SNX29: variants seen among roughly 807,000 people sequenced by gnomAD.
The protein encoded by SNX29 is sorting nexin-29.
SNX29 carries 78 observed loss-of-function variants against 102.1 expected under a neutral mutation model. The ratio of observed to expected loss-of-function variants is 0.76; its 90% CI spans 0.64 to 0.92. The LOEUF (loss-of-function observed/expected upper bound fraction) is 0.92, where lower values mean the gene tolerates loss of function less well. Among genes scored for constraint, SNX29 ranks in the 40% least tolerant of loss-of-function variants. The pLI, the probability that SNX29 is intolerant of heterozygous loss-of-function variation, is 0.00. For synonymous variants in SNX29, 580 were observed against 414.5 expected (o/e 1.40, Z -4.85); for missense variants, 1,280 against 1,061.7 (o/e 1.21, Z -2.86).
At chr16:11,995,558 C>A (rs149842913) in intron 1 of SNX29, among the ~76,000 whole-genome samples, 1,800 of 151,586 alleles carry the variant, frequency 0.012, 21 homozygotes, top group Middle Eastern at 0.041. Context: ...CTTCCCCCCC[C>A]ACCCCATCAT....
At chr16:12,559,596 T>C (rs576211879) in intron 20 of SNX29, among the ~76,000 whole-genome samples, 2 of 151,602 alleles carry the variant, frequency 1.3e-5, no homozygotes, top group African/African-American at 2.4e-5. Flanking sequence ...GCCAAAAAGG[T>C]TGGGGACTGC....
rs143204113 is a variant in SNX29, at chr16:12,495,882, A to G, written c.2178+18023A>G. On this transcript the variant is annotated intron_variant, in intron 19 of 20. Transcript: ENST00000566228. Reference sequence around the variant, plus strand: ...GGCCTGGCAAACATGGTAAAACCCCATGTCTACTAAAAATACAAAAATTAG... The same window carrying G: ...GGCCTGGCAAACATGGTAAAACCCCGTGTCTACTAAAAATACAAAAATTAG... Among the ~76,000 whole-genome samples, 115 of 152,314 alleles carry G rather than the reference A, an allele frequency of 7.6e-4. 1 individual carries two copies. Among genetic ancestry groups the G allele is most frequent in the African/African-American group, 2.7e-3 (111 of 41,574 alleles).
In SNX29 at chr16:12,182,934, A is replaced by AAAT. The variant is rs2076423019; in HGVS notation, c.1596-16665_1596-16664insTAA. On this transcript the variant is annotated intron_variant, in intron 13 of 20. Transcript: ENST00000566228. ...GGACGACAGAGCGAGACTCTGTCTC[A>AAAT]AAAAAAAAAAAAAAAAAAAAAAAGG... Among the ~76,000 whole-genome samples the AAAT allele has an allele frequency of 2.8e-5, 3 of 105,406 alleles. No homozygotes were observed. In the South Asian group the frequency reaches 1.1e-3, roughly 39 times the overall value. The allele number at this position is 105,406 out of a possible 152,430, so 69.2% of individuals were successfully genotyped here.
chr16:12,292,846 C>G (rs1218714197), intron 15 of SNX29, among the ~76,000 whole-genome samples: 1 of 152,160 alleles, frequency 6.6e-6, no homozygotes, highest in Non-Finnish European at 1.5e-5. Context: ...CACAGTGGCT[C>G]TAGTGTTAGT....
intron 3 of SNX29, among the ~76,000 whole-genome samples, chr16:12,024,323 T>C (rs1310299520): frequency 6.6e-6 from 1 of 151,958 alleles, no homozygotes; most frequent in Non-Finnish European, 1.5e-5. Flanking sequence ...TATATATTTT[T>C]TTAGTAGAAA....
intron 20 of SNX29, among the ~76,000 whole-genome samples, chr16:12,563,689 G>A (rs961889258): frequency 6.6e-6 from 1 of 152,174 alleles, no homozygotes; most frequent in Non-Finnish European, 1.5e-5. Context: ...ATGGGGTCTG[G>A]CCTCATGTAA....
At chr16:12,087,876 A>G (rs1000798337) in intron 11 of SNX29, 11 of 456,660 alleles carry the variant, frequency 2.4e-5, no homozygotes, top group Non-Finnish European at 4.4e-5. Context: ...TTTGTGTTCG[A>G]TAGGCTAAGC....
chr16:12,103,616 C>T (rs1284012920), intron 11 of SNX29, among the ~76,000 whole-genome samples: 1 of 152,198 alleles, frequency 6.6e-6, no homozygotes, highest in African/African-American at 2.4e-5. Flanking sequence ...TAATACCATT[C>T]AGGACATAGG....
intron 3 of SNX29, among the ~76,000 whole-genome samples, chr16:12,008,946 T>C (rs1046461843): frequency 2.0e-5 from 3 of 151,898 alleles, no homozygotes; most frequent in South Asian, 2.1e-4. Context: ...TTCACTATGT[T>C]GGTCAGGCTG....
chr16:12,179,151 C>T (rs796945640), intron 13 of SNX29, among the ~76,000 whole-genome samples: 5 of 150,644 alleles, frequency 3.3e-5, no homozygotes, highest in African/African-American at 1.2e-4. Flanking sequence ...TTTAGAATAA[C>T]ACTACTACAA....
intron 13 of SNX29, among the ~76,000 whole-genome samples, chr16:12,182,268 T>A (rs1473578481): frequency 1.3e-5 from 2 of 150,710 alleles, no homozygotes; most frequent in African/African-American, 4.9e-5. Context: ...CTTTCCAGAA[T>A]CTATTTCTAA....
intron 13 of SNX29, among the ~76,000 whole-genome samples, chr16:12,163,946 T>G (rs914698855): frequency 2.0e-5 from 3 of 152,042 alleles, no homozygotes; most frequent in African/African-American, 7.3e-5. Flanking sequence ...AACAAGTAAT[T>G]GAAAAATGAG....
intron 1 of SNX29, among the ~76,000 whole-genome samples, chr16:11,996,806 A>G (rs893877852): frequency 1.3e-5 from 2 of 152,140 alleles, no homozygotes; most frequent in African/African-American, 4.8e-5. Context: ...GTGTTGGAGG[A>G]CCTTGGCCAG....
At chr16:12,546,488 A>C (rs1268782098) in intron 20 of SNX29, 1 of 152,192 alleles carries the variant, frequency 6.6e-6, no homozygotes, top group African/African-American at 2.4e-5. Flanking sequence ...GAAGAACAGC[A>C]CAGGAAAGAC....
At chr16:12,352,608 A>T (rs1355996075) in intron 15 of SNX29, among the ~76,000 whole-genome samples, 1 of 152,224 alleles carries the variant, frequency 6.6e-6, no homozygotes, top group Non-Finnish European at 1.5e-5. Flanking sequence ...TGAAACCCAG[A>T]TGATGACTCA....
chr16:12,007,278 G>A (rs1207253860), intron 3 of SNX29, among the ~76,000 whole-genome samples: 1 of 152,170 alleles, frequency 6.6e-6, no homozygotes, highest in Non-Finnish European at 1.5e-5. Context: ...GCTGAGGCAG[G>A]CGAATCACTT....
intron 11 of SNX29, among the ~76,000 whole-genome samples, chr16:12,088,651 C>G (rs2052340118): frequency 6.6e-6 from 1 of 152,154 alleles, no homozygotes; most frequent in African/African-American, 2.4e-5. Context: ...TTTTTCCATT[C>G]AAACACAATT....
intron 3 of SNX29, among the ~76,000 whole-genome samples, chr16:12,021,383 G>A (rs890525303): frequency 3.3e-5 from 5 of 151,774 alleles, no homozygotes; most frequent in Admixed American, 2.0e-4. Flanking sequence ...CGGAGATCGC[G>A]CCACTGCACT....
intron 14 of SNX29, among the ~76,000 whole-genome samples, chr16:12,234,425 T>C (rs906284482): frequency 5.3e-5 from 8 of 152,166 alleles, no homozygotes; most frequent in Non-Finnish European, 8.8e-5. Context: ...TTTTTTATTG[T>C]TGAGTTGTAT....
Sources: allele counts gnomAD v4.1 joint callset (sites outside exome capture counted in the v4.1 genomes callset), GRCh38; gene constraint gnomAD v4.1.1; transcripts MANE v1.5; gene names NCBI Gene and HGNC (gene_info 2026-07-23, HGNC 2026-07-21).